Variants in ESRRB observed in about 807,000 individuals in gnomAD.
ESRRB encodes estrogen related receptor beta.
A neutral mutation model predicts 46.0 loss-of-function variants in ESRRB; 16 were observed. That is an observed-to-expected ratio of 0.35 (90% CI 0.24 to 0.53). The LOEUF (loss-of-function observed/expected upper bound fraction) is 0.53. ESRRB is among the 20% of genes least tolerant of loss of function. The probability of loss-of-function intolerance (pLI) is 0.93; values close to 1 mark genes in which losing one functional copy is unlikely to be tolerated. For missense variants in ESRRB, 488 were observed against 607.4 expected (o/e 0.80, Z 2.07); for synonymous variants, 246 against 259.6 (o/e 0.95, Z 0.50).
chr14:76,479,254 T>TGC (rs1566609019), intron 3 of ESRRB, among the ~76,000 whole-genome samples: 10 of 98,980 alleles, frequency 1.0e-4, no homozygotes, highest in Middle Eastern at 0.011. Context: ...TGCGTGCGTG[T>TGC]GTGTGTGTGT....
At chr14:76,450,449 A>T (rs1417772647) in intron 2 of ESRRB, among the ~76,000 whole-genome samples, 1 of 152,164 alleles carries the variant, frequency 6.6e-6, no homozygotes, top group Admixed American at 6.6e-5. Context: ...CTGTACGGTT[A>T]GGTAAAGCCA....
chr14:76,472,132 T>G (rs1889396633), intron 3 of ESRRB, among the ~76,000 whole-genome samples: 1 of 152,182 alleles, frequency 6.6e-6, no homozygotes, highest in African/African-American at 2.4e-5. Context: ...GTTGATGCCT[T>G]GGCCAGTAGT....
Position 76,498,710 on chromosome 14 carries a change from C to A in ESRRB, c.*252C>A. 7.6e-7 allele frequency: 1 copy of A among 1,309,132 alleles called. No individual in the cohort carries two copies. Among genetic ancestry groups the A allele is most frequent in the Non-Finnish European group, 1.1e-6 (1 of 926,206 alleles). The allele number at this position is 1,309,132 out of a possible 1,614,324, so 81.1% of individuals were successfully genotyped here. ...TTTCTTTGGTATGTCTTTCCTTCTC[C>A]ATGGACGGTGCGGAGGCCTGGGCCA... On this transcript the variant is annotated 3_prime_UTR_variant, in exon 7 of 7. Coordinates refer to ENST00000644823, the MANE Select transcript of ESRRB (RefSeq NM_001379180.1).
intron 1 of ESRRB, among the ~76,000 whole-genome samples, chr14:76,398,787 G>C (rs953099083): frequency 2.6e-5 from 4 of 152,180 alleles, no homozygotes; most frequent in Admixed American, 6.5e-5. Context: ...TACAAGTGTT[G>C]AAACTGAGGC....
chr14:76,468,658 A>G (rs1889231876), intron 3 of ESRRB, among the ~76,000 whole-genome samples: 1 of 152,108 alleles, frequency 6.6e-6, no homozygotes, highest in Non-Finnish European at 1.5e-5. Flanking sequence ...TCCTTGGGCC[A>G]GTTACTTAAA....
At chr14:76,473,906 G>A (rs1377079879) in intron 3 of ESRRB, among the ~76,000 whole-genome samples, 2 of 152,200 alleles carry the variant, frequency 1.3e-5, no homozygotes, top group African/African-American at 4.8e-5. Context: ...GAGTGGCCCC[G>A]AAGCTTCTTT....
intron 2 of ESRRB, among the ~76,000 whole-genome samples, chr14:76,458,456 ACACACACAC>A (rs1317648467): frequency 2.3e-5 from 2 of 85,830 alleles, no homozygotes; most frequent in African/African-American, 9.3e-5. Context: ...ACACACACAC[ACACACACAC>A]ACACAAACAC....
At chr14:76,337,472 C>T (rs1044796249) in intron 1 of ESRRB, among the ~76,000 whole-genome samples, 2 of 152,100 alleles carry the variant, frequency 1.3e-5, no homozygotes, top group Non-Finnish European at 2.9e-5. Flanking sequence ...ACTCATACAT[C>T]GTGACTTCCT....
intron 2 of ESRRB, among the ~76,000 whole-genome samples, chr14:76,457,453 GT>G (rs5809758): frequency 0.48 from 70,226 of 146,030 alleles, 16,592 homozygotes; most frequent in Middle Eastern, 0.55. Context: ...AGCAGGATGA[GT>G]TTTTTTTTTT....
intron 1 of ESRRB, among the ~76,000 whole-genome samples, chr14:76,338,518 G>A (rs1884154726): frequency 6.6e-6 from 1 of 152,230 alleles, no homozygotes; most frequent in African/African-American, 2.4e-5. Flanking sequence ...TCAACTCCAG[G>A]CTGCCTGTCC....
chr14:76,441,550 G>T (rs1284508428), intron 2 of ESRRB, among the ~76,000 whole-genome samples: 1 of 152,150 alleles, frequency 6.6e-6, no homozygotes, highest in African/African-American at 2.4e-5. Context: ...GGGCTCAAAT[G>T]ATCCACTTGG....
intron 1 of ESRRB, among the ~76,000 whole-genome samples, chr14:76,332,782 TTATATATA>T (rs1566853397): frequency 0.058 from 927 of 16,084 alleles, 59 homozygotes; most frequent in Admixed American, 0.081. Context: ...ATATTATATA[TTATATATA>T]AATATATAAT....
intron 1 of ESRRB, among the ~76,000 whole-genome samples, chr14:76,431,705 C>T (rs1021029577): frequency 3.3e-5 from 5 of 152,222 alleles, no homozygotes; most frequent in African/African-American, 1.2e-4. Context: ...CCCCAAGGGG[C>T]TTCGACCACT....
At chr14:76,478,004 A>G (rs2140023005) in intron 3 of ESRRB, among the ~76,000 whole-genome samples, 1 of 152,376 alleles carries the variant, frequency 6.6e-6, no homozygotes, top group East Asian at 1.9e-4. Flanking sequence ...AGGGTAATAC[A>G]TACAGAGAGT....
intron 1 of ESRRB, among the ~76,000 whole-genome samples, chr14:76,329,745 G>A (rs928250994): frequency 1.6e-4 from 24 of 152,104 alleles, no homozygotes; most frequent in African/African-American, 5.1e-4. Flanking sequence ...CCGTCCTGCC[G>A]TTGTTCCTGC....
chr14:76,333,012 TTTATATATTATATATTATATATA>T (rs1884057855), intron 1 of ESRRB, among the ~76,000 whole-genome samples: 1 of 14,554 alleles, frequency 6.9e-5, no homozygotes, highest in African/African-American at 2.8e-4. Context: ...ATATTATATA[TTTATATATTATATATTATATATA>T]TTATATATTA....
intron 1 of ESRRB, among the ~76,000 whole-genome samples, chr14:76,336,170 A>G (rs771426698): frequency 6.6e-6 from 1 of 152,130 alleles, no homozygotes; most frequent in Non-Finnish European, 1.5e-5. Flanking sequence ...CTTTTAGTTG[A>G]CAGGGAGCCA....
At chr14:76,451,185 G>A (rs732134) in intron 2 of ESRRB, among the ~76,000 whole-genome samples, 12,354 of 152,222 alleles carry the variant, frequency 0.081, 1,288 homozygotes, top group African/African-American at 0.25. Context: ...GCATGGCACT[G>A]GAGTGCACCA....
At chr14:76,333,746 G>T (rs956056046) in intron 1 of ESRRB, among the ~76,000 whole-genome samples, 1 of 151,676 alleles carries the variant, frequency 6.6e-6, no homozygotes, top group Non-Finnish European at 1.5e-5. Flanking sequence ...AATTATCACC[G>T]AAATACTTTA....
Sources: gnomAD v4.1 joint callset for allele counts (sites outside exome capture counted in the v4.1 genomes callset) on GRCh38, gnomAD v4.1.1 for gene constraint, MANE v1.5 for transcripts, NCBI Gene and HGNC (gene_info 2026-07-23, HGNC 2026-07-21) for gene names.